The following UCP1 variants were observed in gnomAD, a reference collection of about 807,000 sequenced individuals.
The protein encoded by UCP1 is mitochondrial brown fat uncoupling protein 1.
A neutral mutation model predicts 26.2 loss-of-function variants in UCP1; 24 were observed. The observed-to-expected ratio is 0.92, with a 90% CI of 0.66 to 1.29. The LOEUF (loss-of-function observed/expected upper bound fraction) is 1.29. Ranked by LOEUF, UCP1 falls within the 50% of genes most tolerant of loss-of-function variation. UCP1 has a pLI of 0.00. For synonymous variants in UCP1, 164 were observed against 156.8 expected (o/e 1.05, Z -0.34); for missense variants, 402 against 388.7 (o/e 1.03, Z -0.29).
At chr4:140,563,935 A>G (rs1220522588) in intron 2 of UCP1, among the ~76,000 whole-genome samples, 2 of 152,096 alleles carry the variant, frequency 1.3e-5, no homozygotes, top group Admixed American at 6.6e-5. Flanking sequence ...CAGCTTTTCT[A>G]TTTCTCTAAT....
chr4:140,563,441 C>T lies in UCP1; in HGVS notation c.403G>A (p.Glu135Lys). 1 of 1,614,050 alleles carries T rather than the reference C, an allele frequency of 6.2e-7. No homozygotes were observed. The highest frequency in any genetic ancestry group is 8.5e-7 in the Non-Finnish European group (1 of 1,180,006). Residue 135 changes from glutamate to lysine, a missense_variant, in exon 3 of 6, where the codon GAG becomes AAG. Physicochemically the swap from Glu to Lys is moderately conservative, Grantham distance 56. Coordinates refer to ENST00000262999, the MANE Select transcript of UCP1 (RefSeq NM_021833.5). ...GCTTGAAGTCTGACTTTCACGACCT[C>T]TGTGGGTTGCCCAATGAATACTGCC... Reference protein sequence around the residue: ...GVAVFIGQPTEVVKVRLQAQS... With the variant: ...GVAVFIGQPTKVVKVRLQAQS...
chr4:140,567,765 C>T lies in UCP1; in HGVS notation c.325+14G>A, dbSNP rs550995710. 1.9e-6 allele frequency: 3 copies of T among 1,613,738 alleles called. No homozygotes were observed. Among genetic ancestry groups the T allele is most frequent in the Non-Finnish European group, 1.7e-6 (2 of 1,179,986 alleles). The stretch of plus-strand genomic sequence containing the variant: ...AAGGCTTTTCTGCCCCTCCCAGGAA[C>T]GCTCACGGCTTACTTTCTTTCCCTG... On this transcript the variant is annotated intron_variant, in intron 2 of 5. Transcript: ENST00000262999.
intron 2 of UCP1, among the ~76,000 whole-genome samples, chr4:140,567,408 CAG>C (rs879414737): frequency 2.0e-5 from 3 of 152,186 alleles, no homozygotes; most frequent in Non-Finnish European, 2.9e-5. Context: ...GATTCAGACT[CAG>C]AGGACCATGG....
intron 5 of UCP1, among the ~76,000 whole-genome samples, chr4:140,561,878 TC>T (rs1166656589): frequency 6.6e-6 from 1 of 152,176 alleles, no homozygotes; most frequent in Admixed American, 6.5e-5. Flanking sequence ...TATTATGATT[TC>T]CCTCTACTTT....
intron 5 of UCP1, among the ~76,000 whole-genome samples, chr4:140,560,237 A>G (rs1578785856): frequency 6.6e-6 from 1 of 152,060 alleles, no homozygotes; most frequent in South Asian, 2.1e-4. Context: ...TAAAGTGATT[A>G]TAGCAGGTTA....
rs143645398 is a variant in UCP1 at position 140,567,811 on chromosome 4, G to T, written c.293C>A (p.Thr98Lys). The change falls in exon 2 of 6, where the codon ACG (threonine) becomes AAG (lysine). Residue 98 changes from threonine (T) to lysine (K), a missense_variant. Coordinates refer to ENST00000262999, the MANE Select transcript of UCP1 (RefSeq NM_021833.5). ...SASLRIGLYD[T>K]VQEFLTAGKE... ...CCCTGCGGTGAGGAACTCCTGGACC[G>T]TGTCGTAGAGGCCGATCCTGAGAGA... 6.2e-7 allele frequency: 1 copy of T among 1,614,124 alleles called. No individual in the cohort carries two copies.
At position 140,559,760 on chromosome 4, in the gene UCP1, A is replaced by G. The variant is rs1735636928; in HGVS notation, c.*136T>C. ...ATAGGCATTAATTTTCCTCTTTTTT[A>G]TATAAAAAAGTCCAAAATTCTCTGC... On this transcript the variant is annotated 3_prime_UTR_variant, in exon 6 of 6. Transcript: ENST00000262999. 9 of 795,112 alleles carry G rather than the reference A, an allele frequency of 1.1e-5. No individual in the cohort carries two copies. The highest frequency in any genetic ancestry group is 6.7e-5 in the South Asian group (4 of 59,676). The allele number at this position is 795,112 out of a possible 1,614,324, so 49.3% of individuals were successfully genotyped here. A position where few individuals can be genotyped will look rare whatever the true frequency, so the allele number is the denominator to read the frequency against.
At position 140,568,923 on chromosome 4, in the gene UCP1, C is replaced by A. The variant is rs891619707; in HGVS notation, c.-194G>T. The A allele has an allele frequency of 1.3e-6, 1 of 747,132 alleles. No individual in the cohort carries two copies. The highest frequency in any genetic ancestry group is 2.7e-5 in the Admixed American group (1 of 37,148). 46.3% of individuals were successfully genotyped at this position (747,132 alleles called of 1,614,324 possible). On this transcript the variant is annotated 5_prime_UTR_variant, in exon 1 of 6. Coordinates refer to ENST00000262999, the MANE Select transcript of UCP1 (RefSeq NM_021833.5). ...CGCGGTGTTGGGGGCCGAGTCCCCG[C>A]GTCCCCTCCTACCCACCCTCGCGCC...
At position 140,568,821 on chromosome 4, in the gene UCP1, G is replaced by T. The variant is rs17848355; in HGVS notation, c.-92C>A. ...CCCTTGCTCTTCACGCCTGTCCGCC[G>T]GGCAGCAAACCCGATTTCTGTTTTT... is the stretch of plus-strand genomic sequence containing the variant. On this transcript the variant is annotated 5_prime_UTR_variant, in exon 1 of 6. Coordinates refer to ENST00000262999, the MANE Select transcript of UCP1 (RefSeq NM_021833.5). The T allele has an allele frequency of 3.6e-4, 552 of 1,524,992 alleles. 3 individuals carry two copies. The East Asian group carries it at 0.011, about 29-fold the overall frequency. 94.5% of individuals were successfully genotyped at this position (1,524,992 alleles called of 1,614,324 possible). A position where few individuals can be genotyped will look rare whatever the true frequency, so the allele number is the denominator to read the frequency against.
intron 5 of UCP1, 71 bp downstream of exon 5, chr4:140,562,122 C>G: frequency 1.3e-6 from 2 of 1,569,616 alleles, no homozygotes; most frequent in Non-Finnish European, 1.8e-6. Flanking sequence ...ATGTCGGTTG[C>G]TTGACATGAG....
intron 1 of UCP1, among the ~76,000 whole-genome samples, chr4:140,568,208 C>A (rs373376893): frequency 1.1e-3 from 174 of 151,738 alleles, no homozygotes; most frequent in African/African-American, 4.0e-3. Context: ...TTTTGAATAT[C>A]CCCCTCCCCA....
chr4:140,567,407 T>G (rs1406515032), intron 2 of UCP1, among the ~76,000 whole-genome samples: 1 of 152,196 alleles, frequency 6.6e-6, no homozygotes, highest in African/African-American at 2.4e-5. Flanking sequence ...GGATTCAGAC[T>G]CAGAGGACCA....
chr4:140,565,221 TC>T (rs2110913543), intron 2 of UCP1, among the ~76,000 whole-genome samples: 1 of 152,274 alleles, frequency 6.6e-6, no homozygotes, highest in South Asian at 2.1e-4. Context: ...CTATACATCC[TC>T]TCTCAATAAA....
intron 5 of UCP1, 26 bp downstream of exon 5, chr4:140,562,167 T>C: frequency 6.2e-7 from 1 of 1,613,908 alleles, no homozygotes; most frequent in African/African-American, 1.3e-5. Flanking sequence ...CAGAACACAT[T>C]ACAGATACAC....
intron 5 of UCP1, among the ~76,000 whole-genome samples, chr4:140,561,072 T>A (rs1735667003): frequency 6.6e-6 from 1 of 152,186 alleles, no homozygotes; most frequent in Non-Finnish European, 1.5e-5. Context: ...GTTTTTAAAT[T>A]TGAAAAAAAT....
chr4:140,562,794 C>T (rs967079793), intron 4 of UCP1, among the ~76,000 whole-genome samples: 2 of 152,062 alleles, frequency 1.3e-5, no homozygotes, highest in African/African-American at 2.4e-5. Flanking sequence ...GCAGGATGGA[C>T]TTACCTCCTG....
rs776908044 is a variant in UCP1, at chr4:140,567,909, C to G, written c.195G>C (p.Val65=). 6.2e-7 allele frequency: 1 copy of G among 1,614,188 alleles called. No homozygotes were observed. The highest frequency in any genetic ancestry group is 1.1e-5 in the South Asian group (1 of 91,088). The change falls in exon 2 of 6, where the codon GTG becomes GTC. Residue 65 remains valine, a synonymous_variant. Transcript: ENST00000262999. The part of the protein sequence containing the change: ...YKGVLGTITA[V]VKTEGRMKLY... The stretch of plus-strand genomic sequence containing the variant: ...GTTTCATCCGCCCTTCTGTTTTTAC[C>G]ACAGCGGTGATTGTTCCCAGGACAC...
intron 2 of UCP1, among the ~76,000 whole-genome samples, chr4:140,566,428 T>C (rs1428371628): frequency 6.6e-6 from 1 of 152,142 alleles, no homozygotes. Context: ...TCCACAACAA[T>C]TGGTAGAACA....
At position 140,568,588 on chromosome 4, in the gene UCP1, C is replaced by T; in HGVS notation, c.126+16G>A. 1 of 1,613,664 alleles carries T rather than the reference C, an allele frequency of 6.2e-7. No homozygotes were observed. The highest frequency in any genetic ancestry group is 1.1e-5 in the South Asian group (1 of 90,910). Reference sequence around the variant, plus strand: ...TCTGTCCTGAGACCCCTTGTCTTACCCCTCTGCCTAGCTACCTGGAGCCGG... The same window carrying T: ...TCTGTCCTGAGACCCCTTGTCTTACTCCTCTGCCTAGCTACCTGGAGCCGG... On this transcript the variant is annotated intron_variant, in intron 1 of 5. Transcript: ENST00000262999.
Sources: gnomAD v4.1 joint callset for allele counts (sites outside exome capture counted in the v4.1 genomes callset) on GRCh38, gnomAD v4.1.1 for gene constraint, MANE v1.5 for transcripts, NCBI Gene and HGNC (gene_info 2026-07-23, HGNC 2026-07-21) for gene names.